NLRP4: variants seen among roughly 807,000 people sequenced by gnomAD.
The protein encoded by NLRP4 is NACHT, LRR and PYD domains-containing protein 4.
Under a neutral mutation model 84.7 loss-of-function variants are expected in NLRP4, and 44 were observed. The observed-to-expected ratio is 0.52, with a 90% CI of 0.41 to 0.67. The LOEUF (loss-of-function observed/expected upper bound fraction) is 0.67. Ranked by LOEUF, NLRP4 falls within the 30% of genes least tolerant of loss-of-function variation. The pLI is 0.00. For missense variants in NLRP4, 1,260 were observed against 1,219.4 expected (o/e 1.03, Z -0.50); for synonymous variants, 544 against 476.4 (o/e 1.14, Z -1.85).
At chr19:55,851,808 A>G (rs1245977377) in intron 1 of NLRP4, among the ~76,000 whole-genome samples, 1 of 152,140 alleles carries the variant, frequency 6.6e-6, no homozygotes, top group Non-Finnish European at 1.5e-5. Context: ...TGACTATAGG[A>G]TTCTTGTATC....
At position 55,858,386 on chromosome 19, in the gene NLRP4, T is replaced by C; in HGVS notation, c.993T>C (p.Ser331=). The change falls in exon 3 of 10, where the codon AGT becomes AGC. Residue 331 remains serine, a synonymous_variant. Transcript: ENST00000301295. This position sits in a 1 kb window ranked among gnomAD's most constrained non-coding sequence, Gnocchi z 4.2. The stretch of plus-strand genomic sequence containing the variant: ...AAGCCTTCAATCTTGTAAGAGAAAG[T>C]GAACAGCTGTTTTCCATATGCCAAA... ...AMEAFNLVRE[S]EQLFSICQIP... is the part of the protein sequence containing the mutation. The C allele has an allele frequency of 6.2e-7, 1 of 1,614,186 alleles. No homozygotes were observed. The highest frequency in any genetic ancestry group is 8.5e-7 in the Non-Finnish European group (1 of 1,180,036).
chr19:55,845,889 A>AT (rs1295861856), intron 1 of NLRP4, among the ~76,000 whole-genome samples: 1 of 142,296 alleles, frequency 7.0e-6, no homozygotes, highest in Non-Finnish European at 1.5e-5. Context: ...TTTCTTGTAA[A>AT]TTTGTTTGAG....
intron 1 of NLRP4, among the ~76,000 whole-genome samples, chr19:55,850,239 G>A (rs1278848070): frequency 2.1e-4 from 30 of 140,764 alleles, no homozygotes; most frequent in Admixed American, 4.9e-4. Context: ...CCGTGGCTGC[G>A]GTGTAATTTC....
chr19:55,839,173 T>C (rs1016397825), intron 1 of NLRP4, among the ~76,000 whole-genome samples: 2 of 152,054 alleles, frequency 1.3e-5, no homozygotes, highest in African/African-American at 4.8e-5. Context: ...TTCCCCTCCC[T>C]GTGTCCGTTT....
rs758847750 is a variant in NLRP4 at position 55,859,083 on chromosome 19, G to C, written c.1690G>C (p.Ala564Pro). 3.1e-6 allele frequency: 5 copies of C among 1,613,836 alleles called. No individual in the cohort carries two copies. Among genetic ancestry groups the C allele is most frequent in the Non-Finnish European group, 4.2e-6 (5 of 1,179,850 alleles). Residue 564 changes from alanine to proline, a missense_variant, in exon 3 of 10, where the codon GCC becomes CCC. Coordinates refer to ENST00000301295, the MANE Select transcript of NLRP4 (RefSeq NM_134444.5). ...CTGTCTCTTTGAAATGCAGGATCCT[G>C]CCTTTGTGAAGCAGGCAGTGAACCT... ...FYCLFEMQDP[A>P]FVKQAVNLLQ...
At chr19:55,866,240 G>A (rs1267560705) in intron 5 of NLRP4, among the ~76,000 whole-genome samples, 1 of 152,140 alleles carries the variant, frequency 6.6e-6, no homozygotes, top group Non-Finnish European at 1.5e-5. Flanking sequence ...CACCATGCTG[G>A]TCAGGATGGC....
chr19:55,868,880 AAAGT>A (rs1600238258), intron 6 of NLRP4, among the ~76,000 whole-genome samples: 1 of 152,208 alleles, frequency 6.6e-6, no homozygotes, highest in South Asian at 2.1e-4. Context: ...GAACAACATG[AAAGT>A]AAGAGTATTC....
At chr19:55,871,952 C>G (rs562587658) in intron 7 of NLRP4, among the ~76,000 whole-genome samples, 11 of 151,990 alleles carry the variant, frequency 7.2e-5, no homozygotes, top group Non-Finnish European at 1.2e-4. Flanking sequence ...CGGGTTCACG[C>G]CATTCTCGTC....
intron 7 of NLRP4, among the ~76,000 whole-genome samples, chr19:55,872,421 C>T (rs1347226796): frequency 1.3e-5 from 2 of 152,030 alleles, no homozygotes; most frequent in Non-Finnish European, 2.9e-5. Context: ...GAGCCAAGGA[C>T]AAGTCAAAAT....
At chr19:55,854,883 C>G (rs1318385261) in intron 2 of NLRP4, among the ~76,000 whole-genome samples, 1 of 152,116 alleles carries the variant, frequency 6.6e-6, no homozygotes, top group Non-Finnish European at 1.5e-5. Context: ...ACCACCACGC[C>G]CAGCTAGTTT....
At chr19:55,870,210 G>A (rs75592936) in intron 6 of NLRP4, among the ~76,000 whole-genome samples, 9,851 of 152,212 alleles carry the variant, frequency 0.065, 729 homozygotes, top group African/African-American at 0.18. Flanking sequence ...CTGAGGGAGC[G>A]GTCTCAGAAG....
chr19:55,852,891 C>T (rs73622434), intron 2 of NLRP4, among the ~76,000 whole-genome samples: 1,673 of 152,246 alleles, frequency 0.011, 31 homozygotes, highest in African/African-American at 0.038. Flanking sequence ...TCTGGGTCAC[C>T]AATGATTTTT....
chr19:55,858,151 A>T lies in NLRP4; in HGVS notation c.758A>T (p.Glu253Val). The change falls in exon 3 of 10, where the codon GAG becomes GTG. Residue 253 changes from glutamate (E) to valine (V), a missense_variant. Physicochemically the swap from Glu to Val is moderately radical, Grantham distance 121. Transcript: ENST00000301295. This position sits in a 1 kb window ranked among gnomAD's most constrained non-coding sequence, Gnocchi z 4.2. ...TCGGATCTGTGTGGTGACTTGATGG[A>T]GAAACGGCCGGTGCAGGTGCTTCTG... ...PDSDLCGDLM[E>V]KRPVQVLLSS... 1 of 1,614,112 alleles carries T rather than the reference A, an allele frequency of 6.2e-7. No individual in the cohort carries two copies. The highest frequency in any genetic ancestry group is 8.5e-7 in the Non-Finnish European group (1 of 1,180,030).
At position 55,858,810 on chromosome 19, in the gene NLRP4, C is replaced by T. The variant is rs868087774; in HGVS notation, c.1417C>T (p.Pro473Ser). The T allele has an allele frequency of 6.2e-7, 1 of 1,613,916 alleles. No individual in the cohort carries two copies. The highest frequency in any genetic ancestry group is 8.5e-7 in the Non-Finnish European group (1 of 1,179,882). Residue 473 changes from proline to serine, a missense_variant, in exon 3 of 10, where the codon CCT (proline) becomes TCT (serine). This residue lies in a region of NLRP4 where 712 missense variants were observed against 669.2 expected (regional missense o/e 1.06). Transcript: ENST00000301295. The surrounding 1 kb of genome is among the most constrained non-coding windows in gnomAD (Gnocchi z 4.2). ...FYLLKSHLDH[P>S]HPAVRCVQEL... ...TTTGCTCAAGAGCCACCTTGATCAT[C>T]CTCACCCAGCTGTGAGATGTGTACA... is the stretch of plus-strand genomic sequence containing the variant.
At chr19:55,846,831 G>A (rs1434525061) in intron 1 of NLRP4, among the ~76,000 whole-genome samples, 2 of 152,088 alleles carry the variant, frequency 1.3e-5, no homozygotes, top group Non-Finnish European at 2.9e-5. Flanking sequence ...TAAGACTATT[G>A]GCAAAAGCAC....
In NLRP4 at chr19:55,852,036, C is replaced by G; in HGVS notation, c.-45C>G. The stretch of plus-strand genomic sequence containing the variant: ...TACAGGTTTTATTTATTTATTGTTC[C>G]TGGTCACTGTCTCTTTGAGGATTGG... On this transcript the variant is annotated 5_prime_UTR_variant, in exon 2 of 10. Transcript: ENST00000301295. 7.0e-7 allele frequency: 1 copy of G among 1,420,694 alleles called. No individual in the cohort carries two copies. Among genetic ancestry groups the G allele is most frequent in the Non-Finnish European group, 9.7e-7 (1 of 1,031,248 alleles). The allele number at this position is 1,420,694 out of a possible 1,614,324, so 88.0% of individuals were successfully genotyped here.
rs1983985760 is a variant in NLRP4 at position 55,849,991 on chromosome 19, GAGACTGCGGTGTGATTT to G, written c.-65-2024_-65-2008del. ...TTTCCGTAGCTGCGGTGTAATTTCC[GAGACTGCGGTGTGATTT>G]CCGAGACTGCGGTGTGATTTCCGAG... is the stretch of plus-strand genomic sequence containing the variant. On this transcript the variant is annotated intron_variant, in intron 1 of 9. Coordinates refer to ENST00000301295, the MANE Select transcript of NLRP4 (RefSeq NM_134444.5). 2.5e-4 allele frequency among the ~76,000 whole-genome samples: 6 copies of G among 24,168 alleles called. 1 individual carries two copies. In the South Asian group the frequency reaches 8.9e-3, roughly 36 times the overall value. The allele number at this position is 24,168 out of a possible 152,430, so 15.9% of individuals were successfully genotyped here.
At chr19:55,846,370 C>A (rs1983793671) in intron 1 of NLRP4, among the ~76,000 whole-genome samples, 1 of 152,140 alleles carries the variant, frequency 6.6e-6, no homozygotes, top group South Asian at 2.1e-4. Flanking sequence ...TGTTCTGTTC[C>A]ATTAGTCTAT....
chr19:55,849,781 G>A (rs1983942234), intron 1 of NLRP4, among the ~76,000 whole-genome samples: 1 of 145,226 alleles, frequency 6.9e-6, no homozygotes, highest in Non-Finnish European at 1.5e-5. Flanking sequence ...TAGCTGCGGT[G>A]TAATTTCCAA....
Sources: gnomAD v4.1 joint callset for allele counts (sites outside exome capture counted in the v4.1 genomes callset) on GRCh38, gnomAD v4.1.1 for gene constraint, gnomAD v4.1.1 regional missense constraint, Gnocchi (gnomAD v3.1) non-coding constraint, MANE v1.5 for transcripts, NCBI Gene and HGNC (gene_info 2026-07-23, HGNC 2026-07-21) for gene names.